DNAH7: variants seen among roughly 807,000 people sequenced by gnomAD.
The protein encoded by DNAH7 is dynein axonemal heavy chain 7.
In DNAH7, 397 loss-of-function variants were observed where a neutral mutation model predicts 444.6. The observed-to-expected ratio is 0.89, with a 90% confidence interval of 0.82 to 0.97. The LOEUF (loss-of-function observed/expected upper bound fraction) is 0.97. Ranked by LOEUF, DNAH7 falls within the 50% of genes least tolerant of loss-of-function variation. The probability of loss-of-function intolerance (pLI) is 0.00; values close to 1 mark genes in which losing one functional copy is unlikely to be tolerated. For missense variants in DNAH7, 4,902 were observed against 4,800.8 expected, an observed-to-expected ratio of 1.02 and a Z score of -0.62; for synonymous variants, 1,636 against 1,624.4, an observed-to-expected ratio of 1.01 and a Z score of -0.17.
chr2:196,051,374 A>T (rs1219113936), intron 2 of DNAH7, 125 bp from the exon 3 acceptor site: 3 of 738,340 alleles, frequency 4.1e-6, no homozygotes, highest in Non-Finnish European at 7.1e-6. Context: ...TCAAAGATAA[A>T]CTTTACTGCT....
In DNAH7 at chr2:195,873,552, A is replaced by T. The variant is rs777976529; in HGVS notation, c.6413+16T>A. On this transcript the variant is annotated intron_variant, in intron 39 of 64. Transcript: ENST00000312428. ...ATACCTCCTAATTAAAAAAAAAACA[A>T]ATTTTGATTACTTACCAGATTTCTA... The T allele has an allele frequency of 4.6e-6, 6 of 1,301,744 alleles. No homozygotes were observed. Among genetic ancestry groups the T allele is most frequent in the Admixed American group, 5.9e-5 (2 of 34,072 alleles). 80.6% of individuals were successfully genotyped at this position (1,301,744 alleles called of 1,614,324 possible). A position where few individuals can be genotyped will look rare whatever the true frequency, so the allele number is the denominator to read the frequency against.
chr2:195,750,188 A>G (rs2105899788), intron 63 of DNAH7, among the ~76,000 whole-genome samples: 1 of 152,238 alleles, frequency 6.6e-6, no homozygotes, highest in South Asian at 2.1e-4. Flanking sequence ...TTGGATTTTT[A>G]ATACTTCACC....
At chr2:195,914,974 A>G (rs1174299516) in intron 24 of DNAH7, among the ~76,000 whole-genome samples, 1 of 152,276 alleles carries the variant, frequency 6.6e-6, no homozygotes, top group Non-Finnish European at 1.5e-5. Context: ...AACATTTACA[A>G]TTCTAATCAT....
chr2:195,969,812 G>C, intron 17 of DNAH7, 136 bp downstream of exon 17: 1 of 855,126 alleles, frequency 1.2e-6, no homozygotes, highest in Non-Finnish European at 1.7e-6. Context: ...AAATCTATTT[G>C]TGTCATTCTA....
At chr2:195,995,324 A>T in intron 12 of DNAH7, 1 of 511,708 alleles carries the variant, frequency 2.0e-6, no homozygotes, top group Non-Finnish European at 3.9e-6. Flanking sequence ...CCTTGTTCAA[A>T]TCCAAGACCC....
intron 2 of DNAH7, among the ~76,000 whole-genome samples, chr2:196,053,040 T>TACAG (rs10649774): frequency 0.78 from 119,048 of 151,798 alleles, 46,914 homozygotes; most frequent in East Asian, 0.99. Flanking sequence ...CTAGAGGAGG[T>TACAG]ACAGTTATTT....
At chr2:196,065,317 G>T (rs1055968823) in intron 1 of DNAH7, among the ~76,000 whole-genome samples, 1 of 152,108 alleles carries the variant, frequency 6.6e-6, no homozygotes, top group Non-Finnish European at 1.5e-5. Flanking sequence ...CTTCATAAGG[G>T]TGTCATATGT....
chr2:195,746,186 G>A (rs924784949), intron 63 of DNAH7, among the ~76,000 whole-genome samples: 5 of 150,490 alleles, frequency 3.3e-5, no homozygotes, highest in African/African-American at 9.8e-5. Context: ...AAAAAAGGCA[G>A]GGGTTGCAAT....
chr2:195,934,577 G>A lies in DNAH7; in HGVS notation c.3471+14C>T. ...TAGCATCCTTTTCTAAAAATCATCA[G>A]TATAATCAGCTACCTTGTGGATGGA... On this transcript the variant is annotated intron_variant, in intron 21 of 64. Transcript: ENST00000312428. 1.2e-6 allele frequency: 2 copies of A among 1,611,904 alleles called. No homozygotes were observed. Among genetic ancestry groups the A allele is most frequent in the Non-Finnish European group, 1.7e-6 (2 of 1,178,214 alleles).
chr2:196,008,513 G>GTCC (rs1312894072), intron 10 of DNAH7, among the ~76,000 whole-genome samples: 2 of 152,062 alleles, frequency 1.3e-5, no homozygotes, highest in Non-Finnish European at 2.9e-5. Context: ...CAACCCAAAT[G>GTCC]TCCATTACCT....
intron 10 of DNAH7, among the ~76,000 whole-genome samples, chr2:196,002,089 G>A (rs897721827): frequency 1.3e-5 from 2 of 152,142 alleles, no homozygotes; most frequent in Admixed American, 1.3e-4. Flanking sequence ...CTGTGAGAAA[G>A]ACATAATTCT....
chr2:195,993,124 G>C (rs1408084169), intron 12 of DNAH7, among the ~76,000 whole-genome samples: 1 of 152,164 alleles, frequency 6.6e-6, no homozygotes, highest in Admixed American at 6.5e-5. Flanking sequence ...AGGATTAAGG[G>C]ATCCATGCCT....
Position 195,875,559 on chromosome 2 carries a change from T to C in DNAH7, c.6286+116A>G, listed in dbSNP as rs561724245. 49 of 981,690 alleles carry C rather than the reference T, an allele frequency of 5.0e-5. No homozygotes were observed. The African/African-American group carries it at 6.9e-4, about 14-fold the overall frequency. The allele number at this position is 981,690 out of a possible 1,614,324, so 60.8% of individuals were successfully genotyped here. ...TCTGTTAGGTCACAATAGATACACA[T>C]AGAAAACATATACACAAAACACTGC... On this transcript the variant is annotated intron_variant, in intron 38 of 64. Coordinates refer to ENST00000312428, the MANE Select transcript of DNAH7 (RefSeq NM_018897.3).
Position 195,824,278 on chromosome 2 carries a change from A to G in DNAH7, c.9268T>C (p.Tyr3090His). ...YITTKLRNPH[Y>H]LPETSVKVTL... The stretch of plus-strand genomic sequence containing the variant: ...GCCTTTACTGATGTTTCAGGAAGAT[A>G]ATGAGGATTTCTTAACTTGGTAGTA... Residue 3090 changes from tyrosine to histidine, a missense_variant, in exon 49 of 65, where the codon TAT (tyrosine) becomes CAT (histidine). By Grantham distance (83) the Tyr-to-His change is moderately conservative. Transcript: ENST00000312428. 1 of 1,613,086 alleles carries G rather than the reference A, an allele frequency of 6.2e-7. No homozygotes were observed. The highest frequency in any genetic ancestry group is 8.5e-7 in the Non-Finnish European group (1 of 1,179,560).
intron 8 of DNAH7, among the ~76,000 whole-genome samples, chr2:196,020,725 C>T (rs1334356293): frequency 6.6e-6 from 1 of 151,796 alleles, no homozygotes; most frequent in Non-Finnish European, 1.5e-5. Context: ...ATTCTCTTGC[C>T]TTAGCCTCTT....
intron 12 of DNAH7, among the ~76,000 whole-genome samples, chr2:195,998,518 T>C (rs1398699446): frequency 6.9e-6 from 1 of 144,480 alleles, no homozygotes; most frequent in Non-Finnish European, 1.5e-5. Flanking sequence ...AGAGCCAAGA[T>C]AGCACCACTG....
chr2:195,865,262 G>T (rs1307705892), intron 40 of DNAH7, among the ~76,000 whole-genome samples: 2 of 152,118 alleles, frequency 1.3e-5, no homozygotes, highest in African/African-American at 4.8e-5. Context: ...AATTTTGGGG[G>T]TGGGAGCTGA....
intron 60 of DNAH7, among the ~76,000 whole-genome samples, chr2:195,775,460 A>G (rs1695017447): frequency 6.6e-6 from 1 of 152,338 alleles, no homozygotes; most frequent in Non-Finnish European, 1.5e-5. Flanking sequence ...TAAAATAGGT[A>G]AAATTTTAGA....
chr2:195,850,285 G>GAA (rs752727865), intron 46 of DNAH7, among the ~76,000 whole-genome samples: 6,424 of 137,660 alleles, frequency 0.047, 156 homozygotes, highest in African/African-American at 0.063. Flanking sequence ...ATAAGGTCAT[G>GAA]AAAAAAAAAA....
Sources: allele counts gnomAD v4.1 joint callset (sites outside exome capture counted in the v4.1 genomes callset), GRCh38; gene constraint gnomAD v4.1.1; transcripts MANE v1.5; gene names NCBI Gene and HGNC (gene_info 2026-07-23, HGNC 2026-07-21).